The following UGT8 variants were observed in gnomAD, a reference collection of about 807,000 sequenced individuals.
UGT8 encodes 2-hydroxyacylsphingosine 1-beta-galactosyltransferase.
A neutral mutation model predicts 40.5 loss-of-function variants in UGT8; 12 were observed. That is an observed-to-expected ratio of 0.30 (90% CI 0.19 to 0.48). The LOEUF is 0.48. UGT8 is among the 20% of genes least tolerant of loss of function. The pLI is 0.99. For missense variants in UGT8, 513 were observed against 648.7 expected (o/e 0.79, Z 2.27); for synonymous variants, 224 against 240.4 (o/e 0.93, Z 0.63).
At chr4:114,632,818 G>A (rs1214831542) in intron 2 of UGT8, among the ~76,000 whole-genome samples, 1 of 152,092 alleles carries the variant, frequency 6.6e-6, no homozygotes, top group Non-Finnish European at 1.5e-5. Flanking sequence ...CATATGTTTT[G>A]AATTAACGTA....
At chr4:114,613,137 T>G (rs1300050482) in intron 1 of UGT8, among the ~76,000 whole-genome samples, 1 of 152,166 alleles carries the variant, frequency 6.6e-6, no homozygotes, top group East Asian at 1.9e-4. Context: ...GATCCATAGA[T>G]GCATGCTGCA....
At chr4:114,674,368 A>T (rs972300343) in intron 5 of UGT8, among the ~76,000 whole-genome samples, 2 of 152,106 alleles carry the variant, frequency 1.3e-5, no homozygotes, top group Non-Finnish European at 2.9e-5. Context: ...TTCACATTTA[A>T]TCCACACTTT....
chr4:114,635,841 A>G lies in UGT8; in HGVS notation c.822+12139A>G, dbSNP rs146984138. Among the ~76,000 whole-genome samples, 1,100 of 152,350 alleles carry G rather than the reference A, an allele frequency of 7.2e-3. 16 individuals carry two copies. The highest frequency in any genetic ancestry group is 0.024 in the African/African-American group (1,019 of 41,596). Reference sequence around the variant, plus strand: ...TGAATCAGTTTCCTGTTATGAAGACAGAAAAGTCTCCATTGTTTCCAATTT... The same window carrying G: ...TGAATCAGTTTCCTGTTATGAAGACGGAAAAGTCTCCATTGTTTCCAATTT... On this transcript the variant is annotated intron_variant, in intron 2 of 5. Transcript: ENST00000310836.
rs1360919013 is a variant in UGT8 at position 114,669,141 on chromosome 4, A to G, written c.1262+837A>G. Reference sequence around the variant, plus strand: ...CCAATAATAAGAAAAATTATTTCATATAAAAGGATGCAGCTTGCATATAAA... The same window carrying G: ...CCAATAATAAGAAAAATTATTTCATGTAAAAGGATGCAGCTTGCATATAAA... On this transcript the variant is annotated intron_variant, in intron 5 of 5. Coordinates refer to ENST00000310836, the MANE Select transcript of UGT8 (RefSeq NM_001128174.3). Among the ~76,000 whole-genome samples the G allele has an allele frequency of 3.9e-5, 6 of 152,180 alleles. No homozygotes were observed. In the East Asian group the frequency reaches 1.2e-3, roughly 29 times the overall value.
intron 2 of UGT8, among the ~76,000 whole-genome samples, chr4:114,640,853 C>G (rs575786695): frequency 6.6e-5 from 10 of 152,084 alleles, no homozygotes; most frequent in African/African-American, 1.4e-4. Flanking sequence ...TACCTCCCAC[C>G]GGGTCCTTCT....
At chr4:114,637,904 A>T (rs766322069) in intron 2 of UGT8, among the ~76,000 whole-genome samples, 1 of 152,216 alleles carries the variant, frequency 6.6e-6, no homozygotes, top group Non-Finnish European at 1.5e-5. Flanking sequence ...CACTTTATTC[A>T]TTTGCAAAAT....
intron 2 of UGT8, chr4:114,663,621 G>C: frequency 1.1e-6 from 1 of 927,832 alleles, no homozygotes; most frequent in Non-Finnish European, 1.3e-6. Flanking sequence ...TTGCCAGTAT[G>C]ATTGATTTTT....
intron 1 of UGT8, among the ~76,000 whole-genome samples, chr4:114,600,066 A>G (rs936458819): frequency 2.0e-5 from 3 of 152,194 alleles, no homozygotes; most frequent in African/African-American, 7.2e-5. Context: ...AACTTCTGAG[A>G]GAGTTCTGAG....
intron 1 of UGT8, among the ~76,000 whole-genome samples, chr4:114,610,936 G>T (rs1731002200): frequency 6.6e-6 from 1 of 152,060 alleles, no homozygotes; most frequent in African/African-American, 2.4e-5. Context: ...ATGATCTTTT[G>T]TGATTCTACA....
chr4:114,612,298 T>C (rs1243697680), intron 1 of UGT8, among the ~76,000 whole-genome samples: 1 of 152,166 alleles, frequency 6.6e-6, no homozygotes, highest in Non-Finnish European at 1.5e-5. Flanking sequence ...TAGATTTTCT[T>C]AATTTTTAAT....
chr4:114,625,509 T>TA (rs767102968), intron 2 of UGT8, among the ~76,000 whole-genome samples: 13,184 of 75,254 alleles, frequency 0.18, 1,621 homozygotes, highest in East Asian at 0.22. Context: ...AGACCCTGTC[T>TA]AAAAAAAAAA....
intron 2 of UGT8, among the ~76,000 whole-genome samples, chr4:114,662,450 A>G (rs1416955369): frequency 6.6e-6 from 1 of 152,214 alleles, no homozygotes; most frequent in African/African-American, 2.4e-5. Context: ...ACAGCATCAT[A>G]AAGTTGAAAA....
intron 1 of UGT8, among the ~76,000 whole-genome samples, chr4:114,606,693 T>G (rs1333690267): frequency 6.6e-6 from 1 of 151,862 alleles, no homozygotes; most frequent in African/African-American, 2.4e-5. Context: ...GGAGATAAAG[T>G]AAGAGAGAAA....
At chr4:114,651,141 C>T (rs1029921589) in intron 2 of UGT8, among the ~76,000 whole-genome samples, 3 of 152,060 alleles carry the variant, frequency 2.0e-5, no homozygotes, top group African/African-American at 4.8e-5. Flanking sequence ...AGACCTTTGC[C>T]AGCATAGTTT....
At chr4:114,632,042 C>T (rs759218580) in intron 2 of UGT8, among the ~76,000 whole-genome samples, 5 of 152,140 alleles carry the variant, frequency 3.3e-5, no homozygotes, top group Non-Finnish European at 7.4e-5. Flanking sequence ...AGGTAAGGGC[C>T]TCAGAACTAA....
At chr4:114,625,445 A>G (rs1732144159) in intron 2 of UGT8, among the ~76,000 whole-genome samples, 1 of 138,462 alleles carries the variant, frequency 7.2e-6, no homozygotes, top group Admixed American at 8.1e-5. Context: ...CAGGAGGTCG[A>G]GGCCGCAGTG....
chr4:114,625,124 T>C (rs555396986), intron 2 of UGT8, among the ~76,000 whole-genome samples: 1 of 152,292 alleles, frequency 6.6e-6, no homozygotes, highest in Non-Finnish European at 1.5e-5. Context: ...GTCATCATCT[T>C]TTCCGAGCTA....
chr4:114,664,795 T>G (rs776033361), intron 3 of UGT8, among the ~76,000 whole-genome samples: 2 of 152,210 alleles, frequency 1.3e-5, no homozygotes, highest in Non-Finnish European at 2.9e-5. Context: ...GAGCACGTAC[T>G]ACCACTGTTG....
intron 1 of UGT8, among the ~76,000 whole-genome samples, chr4:114,609,817 A>T (rs1730940852): frequency 6.6e-6 from 1 of 152,166 alleles, no homozygotes; most frequent in Non-Finnish European, 1.5e-5. Context: ...TACTCCATCC[A>T]AAGGGAGACT....
Sources: allele counts gnomAD v4.1 joint callset (sites outside exome capture counted in the v4.1 genomes callset), GRCh38; gene constraint gnomAD v4.1.1; transcripts MANE v1.5; gene names NCBI Gene and HGNC (gene_info 2026-07-23, HGNC 2026-07-21).